The following LRBA variants were observed in gnomAD, a reference collection of about 807,000 sequenced individuals.
The protein encoded by LRBA is LPS responsive beige-like anchor protein.
Under a neutral mutation model 330.0 loss-of-function variants are expected in LRBA, and 176 were observed. The ratio of observed to expected loss-of-function variants is 0.53; its 90% CI spans 0.47 to 0.60. The LOEUF (loss-of-function observed/expected upper bound fraction) is 0.60. LRBA is among the 20% of genes least tolerant of loss of function. The pLI, the probability that LRBA is intolerant of heterozygous loss-of-function variation, is 0.00. For missense variants in LRBA, 3,259 were observed against 3,444.8 expected (o/e 0.95, Z 1.35); for synonymous variants, 1,230 against 1,193.0 (o/e 1.03, Z -0.64).
chr4:150,495,811 A>C (rs909745978), intron 40 of LRBA, among the ~76,000 whole-genome samples: 16 of 152,198 alleles, frequency 1.1e-4, no homozygotes, highest in African/African-American at 3.9e-4. Flanking sequence ...CTAGCCCTCC[A>C]ATGAATCAGT....
chr4:150,393,435 C>T (rs896979145), intron 47 of LRBA, among the ~76,000 whole-genome samples: 2 of 150,910 alleles, frequency 1.3e-5, no homozygotes, highest in African/African-American at 4.9e-5. Flanking sequence ...TTCATAATTT[C>T]TTTCATTCTT....
chr4:150,310,703 A>G (rs1730951156), intron 51 of LRBA: 1 of 211,770 alleles, frequency 4.7e-6, no homozygotes, highest in South Asian at 1.3e-4. Flanking sequence ...AGATTGCATC[A>G]CAGTTAGGTT....
chr4:150,831,964 G>C lies in LRBA; in HGVS notation c.4582C>G (p.Gln1528Glu), dbSNP rs770711510. 4.0e-6 allele frequency: 6 copies of C among 1,512,724 alleles called. No individual in the cohort carries two copies. Among genetic ancestry groups the C allele is most frequent in the Non-Finnish European group, 5.3e-6 (6 of 1,123,148 alleles). 93.7% of individuals were successfully genotyped at this position (1,512,724 alleles called of 1,614,324 possible). A position where few individuals can be genotyped will look rare whatever the true frequency, so the allele number is the denominator to read the frequency against. The change falls in exon 29 of 57, where the codon CAA becomes GAA. Residue 1528 changes from glutamine to glutamate, a missense_variant. Gln to Glu is a conservative substitution (Grantham distance 29). Transcript: ENST00000651943. ...ACTGCCAAGGCTAAAAATTGAGCTT[G>C]TTTGCTATCCTCCTGGGAAAAAAAA... The part of the protein sequence containing the change: ...VVFRDIEDSK[Q>E]AQFLALAVVY...
At chr4:150,611,909 TTC>T (rs543427277) in intron 37 of LRBA, among the ~76,000 whole-genome samples, 13 of 151,928 alleles carry the variant, frequency 8.6e-5, no homozygotes, top group Admixed American at 2.6e-4. Context: ...CTCTCTCTCT[TTC>T]TCTCTCTCTA....
intron 46 of LRBA, chr4:150,423,266 C>A: frequency 1.0e-6 from 1 of 991,902 alleles, no homozygotes; most frequent in Non-Finnish European, 1.6e-6. Context: ...CGCCTCCCAG[C>A]ATCTCCTGTA....
chr4:150,723,041 G>T (rs1420315090), intron 36 of LRBA, among the ~76,000 whole-genome samples: 1 of 152,020 alleles, frequency 6.6e-6, no homozygotes, highest in African/African-American at 2.4e-5. Context: ...ATATCCCAGG[G>T]GACAGAACAT....
At chr4:150,424,123 C>T (rs1749214532) in intron 46 of LRBA, among the ~76,000 whole-genome samples, 1 of 152,144 alleles carries the variant, frequency 6.6e-6, no homozygotes, top group Admixed American at 6.5e-5. Context: ...TAAAGTATGA[C>T]AAGCATTTCT....
chr4:150,680,800 T>C (rs1355860530), intron 37 of LRBA, among the ~76,000 whole-genome samples: 2 of 152,212 alleles, frequency 1.3e-5, no homozygotes, highest in Non-Finnish European at 2.9e-5. Context: ...TGTAATGGCA[T>C]GGGTCTGATT....
chr4:150,337,331 AT>A (rs756946395), intron 48 of LRBA, among the ~76,000 whole-genome samples: 11 of 152,200 alleles, frequency 7.2e-5, no homozygotes, highest in Non-Finnish European at 1.3e-4. Context: ...AATCATAAAA[AT>A]ATTAATATTT....
At chr4:150,851,535 TAG>T (rs978744638) in intron 23 of LRBA, among the ~76,000 whole-genome samples, 1 of 152,228 alleles carries the variant, frequency 6.6e-6, no homozygotes, top group African/African-American at 2.4e-5. Flanking sequence ...TAGGTAGCCC[TAG>T]AGTTTGTTGG....
intron 36 of LRBA, among the ~76,000 whole-genome samples, chr4:150,692,230 G>GT (rs921736749): frequency 6.7e-6 from 1 of 149,528 alleles, no homozygotes; most frequent in Non-Finnish European, 1.5e-5. Flanking sequence ...TTGTTTGTTT[G>GT]TTTTTTCAGG....
chr4:150,928,512 T>C lies in LRBA; in HGVS notation c.549+4A>G. ...AATACCAAAGAGTACTTAAGTTTTTTTACCCATCGTCCTTTATCTCCTTGA... is the reference window on the plus strand; with the variant it reads ...AATACCAAAGAGTACTTAAGTTTTTCTACCCATCGTCCTTTATCTCCTTGA... On this transcript the variant is annotated splice_donor_region_variant and intron_variant, in intron 4 of 56. Transcript: ENST00000651943. 6.2e-7 allele frequency: 1 copy of C among 1,605,326 alleles called. No homozygotes were observed. Among genetic ancestry groups the C allele is most frequent in the Non-Finnish European group, 8.5e-7 (1 of 1,174,396 alleles).
At chr4:150,436,220 C>T (rs1751088610) in intron 45 of LRBA, among the ~76,000 whole-genome samples, 1 of 152,158 alleles carries the variant, frequency 6.6e-6, no homozygotes, top group South Asian at 2.1e-4. Context: ...TTCTAACAAG[C>T]TTTAATTAAT....
At chr4:150,776,890 C>A (rs1203018489) in intron 34 of LRBA, among the ~76,000 whole-genome samples, 1 of 152,182 alleles carries the variant, frequency 6.6e-6, no homozygotes, top group East Asian at 1.9e-4. Flanking sequence ...TTGTAATACA[C>A]ACATATTTTT....
At chr4:150,447,783 CTT>C (rs924189164) in intron 44 of LRBA, among the ~76,000 whole-genome samples, 4 of 152,186 alleles carry the variant, frequency 2.6e-5, no homozygotes, top group African/African-American at 9.7e-5. Context: ...ATTACAATCA[CTT>C]ATAAAATAGA....
At chr4:150,805,080 G>A (rs1742363698) in intron 33 of LRBA, among the ~76,000 whole-genome samples, 2 of 151,802 alleles carry the variant, frequency 1.3e-5, no homozygotes, top group African/African-American at 2.4e-5. Context: ...GTTTTCTGAG[G>A]AAATTTACGG....
chr4:150,934,156 C>T (rs962100240), intron 2 of LRBA, among the ~76,000 whole-genome samples: 8 of 152,156 alleles, frequency 5.3e-5, no homozygotes, highest in Admixed American at 6.5e-5. Context: ...AAATTACTCA[C>T]TGAGTCAAAA....
At chr4:150,765,126 G>A (rs571257591) in intron 34 of LRBA, among the ~76,000 whole-genome samples, 1 of 151,532 alleles carries the variant, frequency 6.6e-6, no homozygotes, top group South Asian at 2.1e-4. Flanking sequence ...AGGACATGGA[G>A]AAAATGTAAA....
At chr4:150,991,656 G>T (rs1488608349) in intron 2 of LRBA, among the ~76,000 whole-genome samples, 3 of 152,180 alleles carry the variant, frequency 2.0e-5, no homozygotes, top group Admixed American at 2.0e-4. Flanking sequence ...AGGGGATAGG[G>T]ATGGGGAAGA....
Sources: allele counts gnomAD v4.1 joint callset (sites outside exome capture counted in the v4.1 genomes callset), GRCh38; gene constraint gnomAD v4.1.1; transcripts MANE v1.5; gene names NCBI Gene and HGNC (gene_info 2026-07-23, HGNC 2026-07-21).